The following CADPS2 variants were observed in gnomAD, a reference collection of about 807,000 sequenced individuals.
CADPS2 encodes the protein calcium-dependent secretion activator 2.
CADPS2 carries 93 observed loss-of-function variants against 172.5 expected under a neutral mutation model. The ratio of observed to expected loss-of-function variants is 0.54; its 90% CI spans 0.46 to 0.64. The LOEUF is 0.64. Ranked by LOEUF, CADPS2 falls within the 30% of genes least tolerant of loss-of-function variation. The pLI, the probability that CADPS2 is intolerant of heterozygous loss-of-function variation, is 0.00. For missense variants in CADPS2, 1,420 were observed against 1,565.9 expected (o/e 0.91, Z 1.57); for synonymous variants, 546 against 555.2 (o/e 0.98, Z 0.23).
chr7:122,422,549 A>G (rs1440643818), intron 17 of CADPS2, among the ~76,000 whole-genome samples: 1 of 152,146 alleles, frequency 6.6e-6, no homozygotes, highest in Non-Finnish European at 1.5e-5. Context: ...ACTCTCACAC[A>G]CATATACACA....
At chr7:122,422,283 C>T (rs1330040238) in intron 17 of CADPS2, among the ~76,000 whole-genome samples, 2 of 152,072 alleles carry the variant, frequency 1.3e-5, no homozygotes, top group Non-Finnish European at 2.9e-5. Flanking sequence ...ACCTTGAGAG[C>T]CTGTAAAGAA....
chr7:122,560,465 A>G (rs1364818091), intron 7 of CADPS2, among the ~76,000 whole-genome samples: 1 of 152,208 alleles, frequency 6.6e-6, no homozygotes. Flanking sequence ...CTCTAGCTAC[A>G]TACATCTCAG....
intron 25 of CADPS2, among the ~76,000 whole-genome samples, chr7:122,362,040 C>G (rs921499807): frequency 1.3e-5 from 2 of 151,988 alleles, no homozygotes; most frequent in Non-Finnish European, 2.9e-5. Flanking sequence ...GCTCTCCAGC[C>G]TGGGTGACAA....
At chr7:122,578,979 T>C (rs183607394) in intron 7 of CADPS2, among the ~76,000 whole-genome samples, 55 of 152,204 alleles carry the variant, frequency 3.6e-4, no homozygotes, top group Non-Finnish European at 6.6e-4. Flanking sequence ...AATAACTGCC[T>C]CTATGGAAGG....
At chr7:122,830,117 C>A (rs900576429) in intron 1 of CADPS2, among the ~76,000 whole-genome samples, 1 of 152,076 alleles carries the variant, frequency 6.6e-6, no homozygotes. Flanking sequence ...CAAGGTGACA[C>A]GGCAAGTAAC....
chr7:122,784,511 G>C (rs1793558676), intron 1 of CADPS2, among the ~76,000 whole-genome samples: 1 of 152,074 alleles, frequency 6.6e-6, no homozygotes, highest in African/African-American at 2.4e-5. Context: ...ACAATATGTG[G>C]GTGATACTTT....
At chr7:122,527,243 T>C (rs954013355) in intron 8 of CADPS2, among the ~76,000 whole-genome samples, 5 of 152,056 alleles carry the variant, frequency 3.3e-5, no homozygotes, top group Non-Finnish European at 7.4e-5. Flanking sequence ...AGGAATCTAG[T>C]GCACCTTAAG....
At chr7:122,837,445 C>A (rs951138871) in intron 1 of CADPS2, among the ~76,000 whole-genome samples, 2 of 151,802 alleles carry the variant, frequency 1.3e-5, no homozygotes, top group East Asian at 1.9e-4. Flanking sequence ...CAACTGAAGG[C>A]GACAGAGACA....
At chr7:122,792,639 T>A (rs1056783365) in intron 1 of CADPS2, among the ~76,000 whole-genome samples, 1 of 152,222 alleles carries the variant, frequency 6.6e-6, no homozygotes, top group East Asian at 1.9e-4. Flanking sequence ...TTTAGTAGTA[T>A]GTCATTATAG....
chr7:122,379,114 C>T (rs2042691113), intron 25 of CADPS2: 1 of 332,566 alleles, frequency 3.0e-6, no homozygotes, highest in African/African-American at 2.2e-5. Flanking sequence ...TAAGGTTTTA[C>T]TGGAAGAAGA....
intron 1 of CADPS2, among the ~76,000 whole-genome samples, chr7:122,803,817 A>G (rs1160816123): frequency 6.6e-6 from 1 of 152,146 alleles, no homozygotes; most frequent in Non-Finnish European, 1.5e-5. Context: ...CAAAGTGATT[A>G]CACTTAAGTC....
At chr7:122,794,977 G>A (rs1348793046) in intron 1 of CADPS2, among the ~76,000 whole-genome samples, 1 of 152,094 alleles carries the variant, frequency 6.6e-6, no homozygotes, top group East Asian at 1.9e-4. Flanking sequence ...GCCATGTTAA[G>A]AGGGAAATTT....
At chr7:122,759,064 A>C (rs2093281115) in intron 1 of CADPS2, among the ~76,000 whole-genome samples, 1 of 152,122 alleles carries the variant, frequency 6.6e-6, no homozygotes, top group Non-Finnish European at 1.5e-5. Flanking sequence ...CTTCAGTTTC[A>C]GAGCAGGAAA....
At chr7:122,865,525 C>G (rs974121795) in intron 1 of CADPS2, among the ~76,000 whole-genome samples, 1 of 152,210 alleles carries the variant, frequency 6.6e-6, no homozygotes, top group African/African-American at 2.4e-5. Context: ...TTTCTACTCT[C>G]CTCAGAGAAG....
intron 29 of CADPS2, among the ~76,000 whole-genome samples, chr7:122,324,574 T>G (rs1041281125): frequency 2.0e-5 from 3 of 151,998 alleles, no homozygotes; most frequent in Admixed American, 6.6e-5. Flanking sequence ...TAGTGGTAGG[T>G]GAGGAATGAC....
chr7:122,475,654 C>T (rs961527190), intron 12 of CADPS2, among the ~76,000 whole-genome samples: 1 of 152,170 alleles, frequency 6.6e-6, no homozygotes. Flanking sequence ...TCTTATTGAT[C>T]CATGTCAAGT....
At chr7:122,668,402 T>TAAAAAAAAAAAAAAAAA (rs34006020) in intron 2 of CADPS2, among the ~76,000 whole-genome samples, 1 of 138,196 alleles carries the variant, frequency 7.2e-6, no homozygotes, top group African/African-American at 2.7e-5. Flanking sequence ...AAAGTATGGT[T>TAAAAAAAAAAAAAAAAA]AAAAAAAAAA....
chr7:122,491,313 T>C lies in CADPS2; in HGVS notation c.1650A>G (p.Pro550=). ...AAAAGTGATTCAATTAAGATTTACC[T>C]GGGTGGGGATCGGTATAATCCACAG... is the stretch of plus-strand genomic sequence containing the variant. ...GYTVDYTDPH[P]GLQGGCMFFN... The change falls in exon 10 of 30, where the codon CCA becomes CCG. Residue 550 remains proline, a splice_region_variant and synonymous_variant. Coordinates refer to ENST00000449022, the MANE Select transcript of CADPS2 (RefSeq NM_017954.11). 2 of 1,587,272 alleles carry C rather than the reference T, an allele frequency of 1.3e-6. No individual in the cohort carries two copies. The highest frequency in any genetic ancestry group is 8.6e-7 in the Non-Finnish European group (1 of 1,164,182).
chr7:122,546,311 C>T (rs898637171), intron 8 of CADPS2, among the ~76,000 whole-genome samples: 12 of 152,096 alleles, frequency 7.9e-5, no homozygotes, highest in South Asian at 2.1e-4. Flanking sequence ...CTATTAACAA[C>T]GCCCCATTCA....
Sources: allele counts gnomAD v4.1 joint callset (sites outside exome capture counted in the v4.1 genomes callset), GRCh38; gene constraint gnomAD v4.1.1; transcripts MANE v1.5; gene names NCBI Gene and HGNC (gene_info 2026-07-23, HGNC 2026-07-21).